The following ZC3HAV1L variants were observed in gnomAD, a reference collection of about 807,000 sequenced individuals.
ZC3HAV1L encodes the protein zinc finger CCCH-type antiviral protein 1-like.
A neutral mutation model predicts 28.2 loss-of-function variants in ZC3HAV1L; 23 were observed. The ratio of observed to expected loss-of-function variants is 0.82; its 90% confidence interval spans 0.59 to 1.16. ZC3HAV1L has a LOEUF of 1.16. ZC3HAV1L is among the 50% of genes most tolerant of loss of function. ZC3HAV1L has a pLI of 0.00. For synonymous variants in ZC3HAV1L, 180 were observed against 163.4 expected, an observed-to-expected ratio of 1.10 and a Z score of -0.78; for missense variants, 376 against 387.7, an observed-to-expected ratio of 0.97 and a Z score of 0.25.
intron 3 of ZC3HAV1L, among the ~76,000 whole-genome samples, chr7:139,027,660 G>C (rs1043332999): frequency 6.6e-6 from 1 of 152,180 alleles, no homozygotes; most frequent in African/African-American, 2.4e-5. Flanking sequence ...CTAGGCAACA[G>C]AGCAAGATCC....
intron 2 of ZC3HAV1L, among the ~76,000 whole-genome samples, chr7:139,029,829 G>A (rs964948266): frequency 2.6e-5 from 4 of 152,110 alleles, no homozygotes; most frequent in African/African-American, 9.7e-5. Context: ...ATCCAGACGA[G>A]GGCATTTTTA....
rs1815357536 is a variant in ZC3HAV1L, at chr7:139,026,559, C to CT, written c.887_888insA (p.Ser297ValfsTer38). The CT allele has an allele frequency of 6.2e-7, 1 of 1,613,102 alleles. No individual in the cohort carries two copies. The highest frequency in any genetic ancestry group is 8.5e-7 in the Non-Finnish European group (1 of 1,179,148). On this transcript the variant is annotated frameshift_variant and splice_region_variant, in exon 5 of 5. Transcript: ENST00000275766. LOFTEE classifies it high-confidence loss of function. ...TCCATCTTCTTTACTTCTCGCAAGA[C>CT]ACTGTGAGGTAGATATTATTATGAC... is the stretch of plus-strand genomic sequence containing the variant.
chr7:139,030,842 T>A (rs62485887), intron 2 of ZC3HAV1L, among the ~76,000 whole-genome samples: 72,948 of 150,446 alleles, frequency 0.48, 18,121 homozygotes, highest in Non-Finnish European at 0.52. Context: ...AATTAATTAA[T>A]TAATTAATTA....
At chr7:139,021,875 T>G (rs934771394), downstream of ZC3HAV1L, among the ~76,000 whole-genome samples, 2 of 152,154 alleles carry the variant, frequency 1.3e-5, no homozygotes, top group Admixed American at 6.5e-5. Flanking sequence ...CCTATGATTT[T>G]ATATTTAGAA....
intron 3 of ZC3HAV1L, among the ~76,000 whole-genome samples, chr7:139,028,274 G>A (rs532400209): frequency 6.6e-6 from 1 of 150,978 alleles, no homozygotes; most frequent in South Asian, 2.1e-4. Flanking sequence ...TCGGGAGGCT[G>A]AGGCAGAAGA....
At chr7:139,031,456 C>A (rs1004155973) in intron 2 of ZC3HAV1L, among the ~76,000 whole-genome samples, 2 of 152,170 alleles carry the variant, frequency 1.3e-5, no homozygotes, top group African/African-American at 4.8e-5. Flanking sequence ...CATGGTGGCA[C>A]TTGCTTGCAG....
intron 2 of ZC3HAV1L, 33 bp from the exon 3 acceptor site, chr7:139,028,993 T>TA (rs1815443892): frequency 6.3e-7 from 1 of 1,590,646 alleles, no homozygotes; most frequent in African/African-American, 1.4e-5. Context: ...CCTGAAATAT[T>TA]AGTTTTTCTT....
In ZC3HAV1L at chr7:139,034,276, G is replaced by A. The variant is rs76589162; in HGVS notation, c.501+267C>T. 1,136 of 827,720 alleles carry A rather than the reference G, an allele frequency of 1.4e-3. 29 individuals are homozygous for A. The East Asian group carries it at 0.076, about 56-fold the overall frequency. 51.3% of individuals were successfully genotyped at this position (827,720 alleles called of 1,614,324 possible). Reference sequence around the variant, plus strand: ...TCACTGTGCTAGATTAGAAAATCTTGCTTTTAATTGGTGGTCTTAATTGAT... The same window carrying A: ...TCACTGTGCTAGATTAGAAAATCTTACTTTTAATTGGTGGTCTTAATTGAT... On this transcript the variant is annotated intron_variant, in intron 2 of 4. Coordinates refer to ENST00000275766, the MANE Select transcript of ZC3HAV1L (RefSeq NM_080660.4).
In ZC3HAV1L at chr7:139,026,279, G is replaced by A. The variant is rs562662249; in HGVS notation, c.*265C>T. The A allele has an allele frequency of 4.3e-6, 2 of 459,956 alleles. No homozygotes were observed. Among genetic ancestry groups the A allele is most frequent in the South Asian group, 4.6e-5 (1 of 21,956 alleles). The allele number at this position is 459,956 out of a possible 1,614,324, so 28.5% of individuals were successfully genotyped here. The stretch of plus-strand genomic sequence containing the variant: ...TATTAAGTGAAAAAAAAAAATGAGT[G>A]CAAAGTACTCTAGGATTGCCACAAT... On this transcript the variant is annotated 3_prime_UTR_variant, in exon 5 of 5. Transcript: ENST00000275766.
intron 2 of ZC3HAV1L, among the ~76,000 whole-genome samples, chr7:139,031,389 A>G (rs1334474863): frequency 6.6e-6 from 1 of 152,192 alleles, no homozygotes; most frequent in Non-Finnish European, 1.5e-5. Flanking sequence ...GTTTGAGATC[A>G]GCCTGAGCAA....
intron 2 of ZC3HAV1L, among the ~76,000 whole-genome samples, chr7:139,031,206 G>A (rs1352353811): frequency 2.6e-5 from 4 of 152,140 alleles, no homozygotes; most frequent in South Asian, 2.1e-4. Context: ...CTAGCACTTT[G>A]GGAGACCAAG....
rs1245311268 is a variant in ZC3HAV1L, at chr7:139,035,658, G to A, written c.360C>T (p.Asp120=). 1 of 1,442,060 alleles carries A rather than the reference G, an allele frequency of 6.9e-7. No homozygotes were observed. The highest frequency in any genetic ancestry group is 9.0e-7 in the Non-Finnish European group (1 of 1,106,204). The allele number at this position is 1,442,060 out of a possible 1,614,324, so 89.3% of individuals were successfully genotyped here. ...RHMLGKCPNR[D]CWSTCTLSHD... Reference sequence around the variant, plus strand: ...GCCCGCCGCCGCCTTCTCACCAGCAGTCCCGGTTGGGGCACTTGCCCAGCA... The same window carrying A: ...GCCCGCCGCCGCCTTCTCACCAGCAATCCCGGTTGGGGCACTTGCCCAGCA... Residue 120 remains aspartate, a synonymous_variant, in exon 1 of 5, where the codon GAC becomes GAT. Coordinates refer to ENST00000275766, the MANE Select transcript of ZC3HAV1L (RefSeq NM_080660.4).
Position 139,026,262 on chromosome 7 carries a change from GA to G in ZC3HAV1L, c.*281del, listed in dbSNP as rs369793399. 0.037 allele frequency: 13,334 copies of G among 357,126 alleles called. 41 individuals carry two copies. The highest frequency in any genetic ancestry group is 0.046 in the African/African-American group (2,120 of 46,292). 22.1% of individuals were successfully genotyped at this position (357,126 alleles called of 1,614,324 possible). A position where few individuals can be genotyped will look rare whatever the true frequency, so the allele number is the denominator to read the frequency against. Reference sequence around the variant, plus strand: ...AGATGCTTATGAGACAATATTAAGTGAAAAAAAAAAATGAGTGCAAAGTACT... The same window carrying G: ...AGATGCTTATGAGACAATATTAAGTGAAAAAAAAAATGAGTGCAAAGTACT... On this transcript the variant is annotated 3_prime_UTR_variant, in exon 5 of 5. Transcript: ENST00000275766.
downstream of ZC3HAV1L, chr7:139,022,267 G>C (rs1351314237): frequency 1.0e-5 from 2 of 195,294 alleles, no homozygotes; most frequent in African/African-American, 4.8e-5. Flanking sequence ...AATATGGTTA[G>C]GCATAGTGGC....
In ZC3HAV1L at chr7:139,034,929, G is replaced by A. The variant is rs557243979; in HGVS notation, c.366-251C>T. On this transcript the variant is annotated intron_variant, in intron 1 of 4. Coordinates refer to ENST00000275766, the MANE Select transcript of ZC3HAV1L (RefSeq NM_080660.4). ...CCAAGGGTCGCCCACCTCGCCTGAG[G>A]ATGCACATCTGTTCCGTAGGCGACT... is the stretch of plus-strand genomic sequence containing the variant. 1.5e-5 allele frequency: 15 copies of A among 985,446 alleles called. No individual in the cohort carries two copies. In the South Asian group the frequency reaches 6.6e-4, roughly 43 times the overall value. The allele number at this position is 985,446 out of a possible 1,614,324, so 61.0% of individuals were successfully genotyped here.
rs760183304 is a variant in ZC3HAV1L at position 139,028,926 on chromosome 7, T to C, written c.536A>G (p.Tyr179Cys). The C allele has an allele frequency of 1.9e-6, 3 of 1,614,050 alleles. No individual in the cohort carries two copies. The South Asian group carries it at 3.3e-5, about 18-fold the overall frequency. ...TTTATCCTTGAGGTTGCAGTAGCCA[T>C]ACAGGGCTTCCCCTTTGTTGTAGAG... is the stretch of plus-strand genomic sequence containing the variant. ...CLLYNKGEALYGYCNLKDKCN... is the reference protein window; with the variant it reads ...CLLYNKGEALCGYCNLKDKCN... Residue 179 changes from tyrosine to cysteine, a missense_variant, in exon 3 of 5, where the codon TAT becomes TGT. Transcript: ENST00000275766.
intron 2 of ZC3HAV1L, chr7:139,034,044 A>G: frequency 1.0e-6 from 1 of 985,464 alleles, no homozygotes; most frequent in Non-Finnish European, 1.2e-6. Context: ...CCTTCTGGGT[A>G]CAGATTCTGC....
downstream of ZC3HAV1L, among the ~76,000 whole-genome samples, chr7:139,024,986 A>G (rs1815315957): frequency 7.3e-6 from 1 of 136,802 alleles, no homozygotes; most frequent in Non-Finnish European, 1.6e-5. Context: ...GGGTAGGTGG[A>G]GAGCAGGGAG....
chr7:139,031,073 A>G (rs1323150160), intron 2 of ZC3HAV1L, among the ~76,000 whole-genome samples: 1 of 152,172 alleles, frequency 6.6e-6, no homozygotes, highest in African/African-American at 2.4e-5. Context: ...ACCCTTCTCA[A>G]AGAATTCCTT....
Sources: allele counts gnomAD v4.1 joint callset (sites outside exome capture counted in the v4.1 genomes callset), GRCh38; gene constraint gnomAD v4.1.1; transcripts MANE v1.5; gene names NCBI Gene and HGNC (gene_info 2026-07-23, HGNC 2026-07-21).